The following PHF2 variants were observed in gnomAD, a reference collection of about 807,000 sequenced individuals.
PHF2 encodes lysine-specific demethylase PHF2.
Under a neutral mutation model 120.5 loss-of-function variants are expected in PHF2, and 27 were observed. That is an observed-to-expected ratio of 0.22 (90% CI 0.17 to 0.31). The LOEUF (loss-of-function observed/expected upper bound fraction) is 0.31. Ranked by LOEUF, PHF2 falls within the 10% of genes least tolerant of loss-of-function variation. The pLI, the probability that PHF2 is intolerant of heterozygous loss-of-function variation, is 1.00. For synonymous variants in PHF2, 568 were observed against 592.5 expected (o/e 0.96, Z 0.60); for missense variants, 1,024 against 1,434.8 (o/e 0.71, Z 4.63).
intron 20 of PHF2, 112 bp from the exon 21 acceptor site, chr9:93,676,482 G>A: frequency 2.2e-6 from 3 of 1,333,848 alleles, no homozygotes; most frequent in Non-Finnish European, 3.0e-6. Flanking sequence ...GGCCCCTGCT[G>A]CCCAGCCCTG....
intron 1 of PHF2, among the ~76,000 whole-genome samples, chr9:93,602,815 C>T (rs190394828): frequency 3.9e-5 from 6 of 152,242 alleles, no homozygotes; most frequent in Admixed American, 3.3e-4. Flanking sequence ...TTTTATAGCT[C>T]ATTTGTTGTG....
chr9:93,665,520 A>G (rs545438896), intron 14 of PHF2, among the ~76,000 whole-genome samples, 166 bp from the exon 15 acceptor site: 156 of 152,312 alleles, frequency 1.0e-3, no homozygotes, highest in Non-Finnish European at 1.7e-3. Context: ...TCCCATCTCA[A>G]CTGGGCCTGA....
intron 17 of PHF2, chr9:93,671,093 GGTGTAGACGCAGGTGGGGGTGCAT>G: frequency 1.0e-6 from 1 of 969,184 alleles, no homozygotes; most frequent in Non-Finnish European, 1.2e-6. Flanking sequence ...GGTAGGTGCA[GGTGTAGACGCAGGTGGGGGTGCAT>G]GTGTGGGGGT....
chr9:93,658,167 G>C lies in PHF2; in HGVS notation c.1170G>C (p.Gln390His). 1 of 1,613,060 alleles carries C rather than the reference G, an allele frequency of 6.2e-7. No individual in the cohort carries two copies. The highest frequency in any genetic ancestry group is 8.5e-7 in the Non-Finnish European group (1 of 1,179,570). The stretch of plus-strand genomic sequence containing the variant: ...CAGGCTCTCACAAATCTGGGAAGCA[G>C]CTGCCCCCTCATCTAGTCCAAGGAG... Reference protein sequence around the residue: ...AFKGSHKSGKQLPPHLVQGAK... With the variant: ...AFKGSHKSGKHLPPHLVQGAK... Residue 390 changes from glutamine to histidine, a missense_variant, in exon 10 of 22, where the codon CAG becomes CAC. Gln to His is a conservative substitution (Grantham distance 24). Around this residue, in one of 2 missense-constraint regions of PHF2, gnomAD observed 347 missense variants for 577.4 expected, o/e 0.60. Coordinates refer to ENST00000359246, the MANE Select transcript of PHF2 (RefSeq NM_005392.4).
At chr9:93,584,510 G>A (rs759360883) in intron 1 of PHF2, among the ~76,000 whole-genome samples, 3 of 152,120 alleles carry the variant, frequency 2.0e-5, no homozygotes, top group Admixed American at 6.5e-5. Flanking sequence ...TTCTTTCTCC[G>A]TTGAATGATC....
At position 93,644,064 on chromosome 9, in the gene PHF2, C is replaced by T. The variant is rs532319153; in HGVS notation, c.300-1565C>T. Among the ~76,000 whole-genome samples the T allele has an allele frequency of 1.1e-4, 17 of 152,276 alleles. No homozygotes were observed. In the South Asian group the frequency reaches 3.3e-3, roughly 30 times the overall value. ...ACTGTCCGCACAGCAATGGACAACC[C>T]GCAGACTACACCACTGCCCTGCTTA... is the stretch of plus-strand genomic sequence containing the variant. On this transcript the variant is annotated intron_variant, in intron 3 of 21. Coordinates refer to ENST00000359246, the MANE Select transcript of PHF2 (RefSeq NM_005392.4).
At chr9:93,662,395 GTGGA>G in intron 12 of PHF2, among the ~76,000 whole-genome samples, 1 of 150,178 alleles carries the variant, frequency 6.7e-6, no homozygotes, top group East Asian at 2.0e-4. Context: ...AAATGGATGA[GTGGA>G]TGGATGGATG....
intron 3 of PHF2, among the ~76,000 whole-genome samples, chr9:93,639,592 G>T (rs1043573946): frequency 9.2e-5 from 14 of 151,988 alleles, no homozygotes; most frequent in African/African-American, 3.1e-4. Flanking sequence ...GCTCTCCCAA[G>T]AACCTCCAAT....
intron 1 of PHF2, among the ~76,000 whole-genome samples, chr9:93,587,250 G>A (rs1431686463): frequency 6.9e-6 from 1 of 145,632 alleles, no homozygotes; most frequent in Non-Finnish European, 1.5e-5. Context: ...GGTGAGGGAT[G>A]ATGGAAGAGC....
At chr9:93,583,540 A>G (rs767503446) in intron 1 of PHF2, among the ~76,000 whole-genome samples, 25 of 151,620 alleles carry the variant, frequency 1.6e-4, no homozygotes, top group African/African-American at 2.4e-4. Context: ...CAACGTTCCA[A>G]TTTCTCCACA....
Position 93,667,061 on chromosome 9 carries a change from C to T in PHF2, c.2188-19C>T. 10 of 1,604,562 alleles carry T rather than the reference C, an allele frequency of 6.2e-6. No individual in the cohort carries two copies. Among genetic ancestry groups the T allele is most frequent in the Non-Finnish European group, 8.5e-6 (10 of 1,175,954 alleles). On this transcript the variant is annotated intron_variant, in intron 16 of 21. Coordinates refer to ENST00000359246, the MANE Select transcript of PHF2 (RefSeq NM_005392.4). ...GGCCAGACCCTCCCCTGACCGAAGC[C>T]CTGTCCCTCGCGCAGCAGAGTGATG...
At position 93,576,902 on chromosome 9, in the gene PHF2, C is replaced by T. The variant is rs761202644; in HGVS notation, c.98+31C>T. The T allele has an allele frequency of 4.5e-6, 4 of 895,450 alleles. No individual in the cohort carries two copies. In the African/African-American group the frequency reaches 5.5e-5, roughly 12 times the overall value. 55.5% of individuals were successfully genotyped at this position (895,450 alleles called of 1,614,324 possible). ...CGCGCGGCGGCTGCTCGGCTCGGCC[C>T]GGCCCGGCCCGGCCACCTTGCCCGA... On this transcript the variant is annotated intron_variant, in intron 1 of 21. Transcript: ENST00000359246.
At position 93,594,181 on chromosome 9, in the gene PHF2, A is replaced by T. The variant is rs568129940; in HGVS notation, c.98+17310A>T. Among the ~76,000 whole-genome samples the T allele has an allele frequency of 2.1e-3, 166 of 78,618 alleles. 3 individuals are homozygous for T. The highest frequency in any genetic ancestry group is 0.019 in the Admixed American group (124 of 6,456). The allele number at this position is 78,618 out of a possible 152,430, so 51.6% of individuals were successfully genotyped here. On this transcript the variant is annotated intron_variant, in intron 1 of 21. Coordinates refer to ENST00000359246, the MANE Select transcript of PHF2 (RefSeq NM_005392.4). The stretch of plus-strand genomic sequence containing the variant: ...CCCTTCCGGCACACCCCCTCTTCTC[A>T]TGTGACCCCCCCCCCCTCCATTAAT...
At chr9:93,598,216 C>T (rs1272110867) in intron 1 of PHF2, among the ~76,000 whole-genome samples, 10 of 152,210 alleles carry the variant, frequency 6.6e-5, no homozygotes, top group African/African-American at 9.6e-5. Flanking sequence ...CAGGAAAAGC[C>T]CAACTCACGC....
chr9:93,615,203 T>TA (rs1189087034), intron 1 of PHF2, among the ~76,000 whole-genome samples: 7 of 136,378 alleles, frequency 5.1e-5, no homozygotes, highest in African/African-American at 1.6e-4. Context: ...GTGATGATGA[T>TA]GGTGATGGTG....
chr9:93,587,929 G>A (rs568188369), intron 1 of PHF2, among the ~76,000 whole-genome samples: 109 of 152,272 alleles, frequency 7.2e-4, no homozygotes, highest in African/African-American at 2.2e-3. Flanking sequence ...GCCATTGGCC[G>A]TCTGTGCCAC....
chr9:93,643,321 T>C (rs1003883824), intron 3 of PHF2, among the ~76,000 whole-genome samples: 4 of 152,240 alleles, frequency 2.6e-5, no homozygotes, highest in African/African-American at 9.6e-5. Flanking sequence ...ACGTTGGCAT[T>C]GGGATTCATC....
chr9:93,649,861 C>T (rs879814896), intron 5 of PHF2, among the ~76,000 whole-genome samples: 3 of 152,114 alleles, frequency 2.0e-5, no homozygotes, highest in Non-Finnish European at 4.4e-5. Flanking sequence ...TGCAGTCACA[C>T]TCATGGACAC....
intron 1 of PHF2, among the ~76,000 whole-genome samples, chr9:93,590,079 T>A (rs1238362996): frequency 1.3e-5 from 2 of 152,220 alleles, no homozygotes; most frequent in Non-Finnish European, 2.9e-5. Context: ...TTCAAATAAG[T>A]AAAGTTGCTG....
Sources: allele counts gnomAD v4.1 joint callset (sites outside exome capture counted in the v4.1 genomes callset), GRCh38; gene constraint gnomAD v4.1.1; regional missense constraint gnomAD v4.1.1; transcripts MANE v1.5; gene names NCBI Gene and HGNC (gene_info 2026-07-23, HGNC 2026-07-21).